CPNE1: variants seen among roughly 807,000 people sequenced by gnomAD.
CPNE1 encodes the protein copine 1.
Under a neutral mutation model 63.2 loss-of-function variants are expected in CPNE1, and 58 were observed. That is an observed-to-expected ratio of 0.92 (90% CI 0.74 to 1.14). CPNE1 has a LOEUF of 1.14. CPNE1 is among the 50% of genes most tolerant of loss of function. The pLI is 0.00. For synonymous variants in CPNE1, 237 were observed against 249.0 expected (o/e 0.95, Z 0.45); for missense variants, 672 against 661.7 (o/e 1.02, Z -0.17).
At position 35,664,804 on chromosome 20, in the gene CPNE1, C is replaced by G. The variant is rs2034455164; in HGVS notation, c.-45G>C. ...CCAGAACCCAGACCCCGAATTACCC[C>G]CCGCGCGAGTGCCTCCGCCCCGCGG... On this transcript the variant is annotated 5_prime_UTR_variant, in exon 1 of 16. Coordinates refer to ENST00000397443, the MANE Select transcript of CPNE1 (RefSeq NM_152925.3). 1 of 152,458 alleles carries G rather than the reference C, an allele frequency of 6.6e-6. No homozygotes were observed. The highest frequency in any genetic ancestry group is 2.4e-5 in the African/African-American group (1 of 41,474). 9.4% of individuals were successfully genotyped at this position (152,458 alleles called of 1,614,324 possible). A position where few individuals can be genotyped will look rare whatever the true frequency, so the allele number is the denominator to read the frequency against.
In CPNE1 at chr20:35,632,557, TC is replaced by T; in HGVS notation, c.268del (p.Asp90MetfsTer5). On this transcript the variant is annotated frameshift_variant, in exon 3 of 16. Coordinates refer to ENST00000397443, the MANE Select transcript of CPNE1 (RefSeq NM_152925.3). LOFTEE classifies it high-confidence loss of function. ...DIDNKTPELR[D>X]DDFLGGAECS... ...CTCAGCACCCCCTAGGAAGTCATCA[TC>T]CCTCAGCTCTGGCGTCTTGTTGTCT... is the stretch of plus-strand genomic sequence containing the variant. 2.5e-6 allele frequency: 4 copies of T among 1,614,072 alleles called. No individual in the cohort carries two copies. The South Asian group carries it at 4.4e-5, about 18-fold the overall frequency.
chr20:35,658,792 A>G, intron 1 of CPNE1: 2 of 553,946 alleles, frequency 3.6e-6, no homozygotes, highest in Non-Finnish European at 6.4e-6. Flanking sequence ...ACAAAAAACA[A>G]GCAAACAAAA....
chr20:35,644,117 A>G (rs1360452791), intron 1 of CPNE1, among the ~76,000 whole-genome samples: 1 of 152,200 alleles, frequency 6.6e-6, no homozygotes, highest in Non-Finnish European at 1.5e-5. Flanking sequence ...ACATGAGGAC[A>G]GTCATAGAAA....
intron 1 of CPNE1, among the ~76,000 whole-genome samples, chr20:35,662,179 A>C (rs1417248130): frequency 6.6e-6 from 1 of 152,194 alleles, no homozygotes; most frequent in Admixed American, 6.5e-5. Context: ...AAGGCAGCAA[A>C]TCAGAAGACA....
Position 35,631,183 on chromosome 20 carries a change from A to C in CPNE1, c.802-10T>G, listed in dbSNP as rs1236744525. On this transcript the variant is annotated splice_polypyrimidine_tract_variant and intron_variant, in intron 9 of 15. Coordinates refer to ENST00000397443, the MANE Select transcript of CPNE1 (RefSeq NM_152925.3). The stretch of plus-strand genomic sequence containing the variant: ...AGTACTCTGTTTCTACCTGCAAATG[A>C]AACCAGGGTCATGCCTGGGGTGATA... 6.2e-7 allele frequency: 1 copy of C among 1,614,008 alleles called. No individual in the cohort carries two copies. Among genetic ancestry groups the C allele is most frequent in the Admixed American group, 1.7e-5 (1 of 60,018 alleles).
Position 35,631,509 on chromosome 20 carries a change from G to A in CPNE1, c.697C>T (p.Gln233Ter), listed in dbSNP as rs200628131. Residue 233 changes from glutamine (Q) to a stop codon, truncating the protein, a stop_gained, in exon 8 of 16, where the codon CAG (glutamine) becomes TAG (stop). Transcript: ENST00000397443. LOFTEE classifies it high-confidence loss of function. ...LIGTFHTSLA[Q>*]LQAVPAEFEC... is the part of the protein sequence containing the mutation. ...GCACTCACCGGGACTGCCTGCAGCT[G>A]GGCCAAGCTGGTGTGGAAGGTACCG... 3 of 1,613,994 alleles carry A rather than the reference G, an allele frequency of 1.9e-6. No individual in the cohort carries two copies. In the East Asian group the frequency reaches 6.7e-5, roughly 36 times the overall value.
chr20:35,645,284 G>A (rs1489851700), intron 1 of CPNE1, among the ~76,000 whole-genome samples: 1 of 152,150 alleles, frequency 6.6e-6, no homozygotes, highest in Non-Finnish European at 1.5e-5. Context: ...AGTTTAAGAT[G>A]GGTCTTCAGA....
At chr20:35,643,196 T>C (rs1765827302) in intron 1 of CPNE1, 1 of 162,042 alleles carries the variant, frequency 6.2e-6, no homozygotes, top group African/African-American at 2.4e-5. Flanking sequence ...CCAGGGTTGA[T>C]TTGGCTGATC....
chr20:35,646,413 AG>A (rs1443410982), intron 1 of CPNE1, among the ~76,000 whole-genome samples: 1 of 140,602 alleles, frequency 7.1e-6, no homozygotes, highest in Non-Finnish European at 1.5e-5. Flanking sequence ...TTTTTGAGAC[AG>A]GGTCTTGCTA....
chr20:35,647,793 G>A (rs375652820), intron 1 of CPNE1, among the ~76,000 whole-genome samples: 3 of 151,610 alleles, frequency 2.0e-5, no homozygotes, highest in East Asian at 3.9e-4. Flanking sequence ...GGTGGCTCAC[G>A]CCTGTAATCC....
intron 1 of CPNE1, among the ~76,000 whole-genome samples, chr20:35,644,407 G>A (rs2032996234): frequency 6.6e-6 from 1 of 152,150 alleles, no homozygotes; most frequent in Admixed American, 6.5e-5. Context: ...GGGAAACCAG[G>A]AGAGCAGTAC....
intron 10 of CPNE1, 39 bp downstream of exon 10, chr20:35,631,075 C>A (rs2032097635): frequency 1.9e-6 from 3 of 1,614,126 alleles, no homozygotes; most frequent in Non-Finnish European, 2.5e-6. Flanking sequence ...CCACCCTGAG[C>A]CCCAGACCTG....
At chr20:35,653,860 A>G (rs188433045) in intron 1 of CPNE1, 1 of 1,614,086 alleles carries the variant, frequency 6.2e-7, no homozygotes, top group Non-Finnish European at 8.5e-7. Context: ...ATGACGACAC[A>G]GAGCAGCCTT....
At chr20:35,642,156 A>T (rs533999671) in intron 1 of CPNE1, among the ~76,000 whole-genome samples, 40 of 152,300 alleles carry the variant, frequency 2.6e-4, no homozygotes, top group African/African-American at 9.4e-4. Context: ...CCTATTCATA[A>T]CCAAGAACAG....
chr20:35,632,535 A>C lies in CPNE1; in HGVS notation c.291T>G (p.Ala97=). The C allele has an allele frequency of 6.2e-7, 1 of 1,613,638 alleles. No homozygotes were observed. Among genetic ancestry groups the C allele is most frequent in the Non-Finnish European group, 8.5e-7 (1 of 1,179,732 alleles). Residue 97 remains alanine, a synonymous_variant, in exon 3 of 16, where the codon GCT becomes GCG. Coordinates refer to ENST00000397443, the MANE Select transcript of CPNE1 (RefSeq NM_152925.3). The stretch of plus-strand genomic sequence containing the variant: ...TACATACCTGTCCTAGGGAACACTC[A>C]GCACCCCCTAGGAAGTCATCATCCC... ...ELRDDDFLGG[A]ECSLGQIVSS... is the part of the protein sequence containing the mutation.
At chr20:35,629,509 G>C (rs1442502577) in intron 13 of CPNE1, among the ~76,000 whole-genome samples, 1 of 152,070 alleles carries the variant, frequency 6.6e-6, no homozygotes, top group Non-Finnish European at 1.5e-5. Context: ...TAATATAACA[G>C]ATACCATTTT....
chr20:35,646,157 G>A (rs1427602333), intron 1 of CPNE1, among the ~76,000 whole-genome samples: 2 of 148,688 alleles, frequency 1.3e-5, no homozygotes, highest in Non-Finnish European at 3.0e-5. Context: ...CTACTTAGGA[G>A]GCTGAAGCAG....
chr20:35,650,833 G>GTATA (rs567892980), intron 1 of CPNE1: 1 of 152,286 alleles, frequency 6.6e-6, no homozygotes, highest in Non-Finnish European at 1.5e-5. Context: ...AAAAGGCACT[G>GTATA]TATATATATA....
chr20:35,631,696 G>A lies in CPNE1; in HGVS notation c.619C>T (p.Pro207Ser). ...GGGGGCAAGCTCCTCACCTGGATGG[G>A]TGTGCTGGGGTTCCCACCACAGAAA... ...QHFCGGNPST[P>S]IQVQCSDYDS... The change falls in exon 7 of 16, where the codon CCC becomes TCC. Residue 207 changes from proline (P) to serine (S), a missense_variant. Coordinates refer to ENST00000397443, the MANE Select transcript of CPNE1 (RefSeq NM_152925.3). The A allele has an allele frequency of 6.2e-7, 1 of 1,613,942 alleles. No individual in the cohort carries two copies. The highest frequency in any genetic ancestry group is 8.5e-7 in the Non-Finnish European group (1 of 1,179,826).
Sources: allele counts gnomAD v4.1 joint callset (sites outside exome capture counted in the v4.1 genomes callset), GRCh38; gene constraint gnomAD v4.1.1; transcripts MANE v1.5; gene names NCBI Gene and HGNC (gene_info 2026-07-23, HGNC 2026-07-21).